The following PDSS2 variants were observed in gnomAD, a reference collection of about 807,000 sequenced individuals.
PDSS2 encodes all trans-polyprenyl-diphosphate synthase PDSS2.
Under a neutral mutation model 44.5 loss-of-function variants are expected in PDSS2, and 31 were observed. The ratio of observed to expected loss-of-function variants is 0.70; its 90% CI spans 0.52 to 0.94. The LOEUF (loss-of-function observed/expected upper bound fraction) is 0.94. Ranked by LOEUF, PDSS2 falls within the 40% of genes least tolerant of loss-of-function variation. The pLI, the probability that PDSS2 is intolerant of heterozygous loss-of-function variation, is 0.00. For synonymous variants in PDSS2, 157 were observed against 180.3 expected (o/e 0.87, Z 1.03); for missense variants, 452 against 482.2 (o/e 0.94, Z 0.59).
At chr6:107,447,299 GCAC>G (rs1583098763) in intron 1 of PDSS2, among the ~76,000 whole-genome samples, 1 of 152,114 alleles carries the variant, frequency 6.6e-6, no homozygotes, top group East Asian at 1.9e-4. Context: ...TGGCACCACT[GCAC>G]TCCAGCCTGG....
intron 1 of PDSS2, among the ~76,000 whole-genome samples, chr6:107,439,051 A>G (rs995516896): frequency 6.6e-6 from 1 of 152,200 alleles, no homozygotes; most frequent in Non-Finnish European, 1.5e-5. Flanking sequence ...TGAGTTTTCT[A>G]AAATTTATAA....
chr6:107,182,197 T>C (rs1772007742), intron 7 of PDSS2, among the ~76,000 whole-genome samples: 1 of 152,110 alleles, frequency 6.6e-6, no homozygotes, highest in South Asian at 2.1e-4. Context: ...AAAGACTAGC[T>C]TGATGATAGG....
intron 2 of PDSS2, among the ~76,000 whole-genome samples, chr6:107,279,041 G>A (rs1278190975): frequency 6.6e-6 from 1 of 152,092 alleles, no homozygotes; most frequent in African/African-American, 2.4e-5. Flanking sequence ...CCAACATGGT[G>A]AAACCCCATC....
chr6:107,406,583 G>A (rs1780327715), intron 1 of PDSS2, among the ~76,000 whole-genome samples: 1 of 152,198 alleles, frequency 6.6e-6, no homozygotes, highest in Non-Finnish European at 1.5e-5. Context: ...GAATATGGGA[G>A]TTAGATGAAA....
chr6:107,296,462 A>G (rs2115042236), intron 2 of PDSS2, among the ~76,000 whole-genome samples: 1 of 152,352 alleles, frequency 6.6e-6, no homozygotes, highest in East Asian at 1.9e-4. Flanking sequence ...ATGGTGGCTC[A>G]CGCCCGTAAT....
At chr6:107,311,683 T>C (rs893495734) in intron 2 of PDSS2, among the ~76,000 whole-genome samples, 1 of 152,196 alleles carries the variant, frequency 6.6e-6, no homozygotes, top group African/African-American at 2.4e-5. Flanking sequence ...ATTGAGAATA[T>C]GAATTTGCAG....
chr6:107,388,530 G>A (rs892214754), intron 1 of PDSS2, among the ~76,000 whole-genome samples: 4 of 149,740 alleles, frequency 2.7e-5, no homozygotes, highest in African/African-American at 9.9e-5. Context: ...CTCACTGCAA[G>A]CTCCGCCTCC....
At chr6:107,269,610 T>G (rs1165565466) in intron 3 of PDSS2, among the ~76,000 whole-genome samples, 1 of 152,174 alleles carries the variant, frequency 6.6e-6, no homozygotes, top group Non-Finnish European at 1.5e-5. Context: ...ATACTTGATT[T>G]AAGATTCTCA....
chr6:107,389,221 ATAAAAAGTT>A (rs1779706575), intron 1 of PDSS2, among the ~76,000 whole-genome samples: 1 of 152,240 alleles, frequency 6.6e-6, no homozygotes, highest in Non-Finnish European at 1.5e-5. Flanking sequence ...ACTTTCATGT[ATAAAAAGTT>A]TAAAAAATCA....
At chr6:107,286,136 T>TAAATAAAAAAA (rs568159749) in intron 2 of PDSS2, among the ~76,000 whole-genome samples, 5,185 of 128,272 alleles carry the variant, frequency 0.04, 247 homozygotes, top group African/African-American at 0.11. Context: ...CGTCGCAAAA[T>TAAATAAAAAAA]AAAAAAAAAA....
At chr6:107,442,404 A>G (rs913524536) in intron 1 of PDSS2, among the ~76,000 whole-genome samples, 5 of 152,084 alleles carry the variant, frequency 3.3e-5, no homozygotes, top group African/African-American at 1.2e-4. Context: ...GCAACAGAGC[A>G]AGACTCCATC....
intron 2 of PDSS2, among the ~76,000 whole-genome samples, chr6:107,297,665 C>T (rs1776555848): frequency 6.6e-6 from 1 of 151,578 alleles, no homozygotes; most frequent in Admixed American, 6.6e-5. Context: ...CAGGCATGAG[C>T]CCCTGTGCCT....
At chr6:107,299,475 G>A (rs1330058535) in intron 2 of PDSS2, among the ~76,000 whole-genome samples, 1 of 152,118 alleles carries the variant, frequency 6.6e-6, no homozygotes, top group Non-Finnish European at 1.5e-5. Flanking sequence ...TAGAGGATCT[G>A]CACCTGCTCT....
chr6:107,373,890 G>A (rs1380357888), intron 1 of PDSS2, among the ~76,000 whole-genome samples: 2 of 152,134 alleles, frequency 1.3e-5, no homozygotes, highest in Non-Finnish European at 2.9e-5. Flanking sequence ...GGACAACAGG[G>A]AAACACCTCT....
intron 1 of PDSS2, among the ~76,000 whole-genome samples, chr6:107,437,515 A>G (rs1429271454): frequency 8.7e-6 from 1 of 115,234 alleles, no homozygotes; most frequent in Non-Finnish European, 1.7e-5. Flanking sequence ...ACAGAGTGAG[A>G]CCCTGTCTCC....
At chr6:107,189,861 C>T (rs1233252398) in intron 7 of PDSS2, among the ~76,000 whole-genome samples, 7 of 151,926 alleles carry the variant, frequency 4.6e-5, no homozygotes, top group Admixed American at 4.6e-4. Context: ...AAAAGCATCA[C>T]CAGTCTGGGT....
At chr6:107,309,633 G>C (rs1458309428) in intron 2 of PDSS2, among the ~76,000 whole-genome samples, 1 of 152,122 alleles carries the variant, frequency 6.6e-6, no homozygotes, top group Admixed American at 6.5e-5. Flanking sequence ...AAGGATGCTG[G>C]GGTGTGCCAC....
chr6:107,368,076 T>C (rs979375629), intron 1 of PDSS2, among the ~76,000 whole-genome samples: 3 of 151,762 alleles, frequency 2.0e-5, no homozygotes, highest in Non-Finnish European at 4.4e-5. Context: ...GGAGACCATC[T>C]TGGCCAACAT....
intron 1 of PDSS2, among the ~76,000 whole-genome samples, chr6:107,381,294 T>G (rs548688781): frequency 6.6e-6 from 1 of 152,310 alleles, no homozygotes; most frequent in African/African-American, 2.4e-5. Flanking sequence ...CATCATCAAT[T>G]GAGACAGAAA....
Sources: allele counts gnomAD v4.1 joint callset (sites outside exome capture counted in the v4.1 genomes callset), GRCh38; gene constraint gnomAD v4.1.1; transcripts MANE v1.5; gene names NCBI Gene and HGNC (gene_info 2026-07-23, HGNC 2026-07-21).